Variants in TMCO6 observed in about 807,000 individuals in gnomAD.
TMCO6 encodes the protein transmembrane and coiled-coil domain-containing protein 6.
TMCO6 carries 47 observed loss-of-function variants against 61.8 expected under a neutral mutation model. The ratio of observed to expected loss-of-function variants is 0.76; its 90% confidence interval spans 0.60 to 0.97. TMCO6 has a LOEUF of 0.97. Ranked by LOEUF, TMCO6 falls within the 50% of genes least tolerant of loss-of-function variation. The probability of loss-of-function intolerance (pLI) is 0.00; values close to 1 mark genes in which losing one functional copy is unlikely to be tolerated. For synonymous variants in TMCO6, 261 were observed against 254.2 expected (o/e 1.03, Z -0.25); for missense variants, 557 against 601.6 (o/e 0.93, Z 0.78).
chr5:140,628,973 C>T, the TMCO6 span, among the ~76,000 whole-genome samples: 1 of 152,138 alleles, frequency 6.6e-6, no homozygotes, highest in Admixed American at 6.5e-5. Context: ...ACAATCCAAA[C>T]AGTTAAAACT....
Position 140,639,797 on chromosome 5 carries a change from C to G in TMCO6, c.144C>G (p.Asp48Glu). 1 of 1,609,884 alleles carries G rather than the reference C, an allele frequency of 6.2e-7. No homozygotes were observed. The highest frequency in any genetic ancestry group is 2.2e-5 in the East Asian group (1 of 44,728). The stretch of plus-strand genomic sequence containing the variant: ...TCAGCAAGAGGCTGCTGAGAAACGA[C>G]GCCCCAGAGGAAGCTGGAGAGGGAT... ...QLVSKRLLRN[D>E]APEEAGEGCV... The change falls in exon 2 of 12, where the codon GAC becomes GAG. Residue 48 changes from aspartate to glutamate, a missense_variant. By Grantham distance (45) the Asp-to-Glu change is conservative. Coordinates refer to ENST00000394671, the MANE Select transcript of TMCO6 (RefSeq NM_018502.5).
At chr5:140,612,848 C>T in the TMCO6 span, among the ~76,000 whole-genome samples, 2 of 152,220 alleles carry the variant, frequency 1.3e-5, no homozygotes, top group East Asian at 1.9e-4. Context: ...ATACTATTCA[C>T]TGTTTCCTCA....
At chr5:140,598,901 A>G in the TMCO6 span, among the ~76,000 whole-genome samples, 1 of 152,096 alleles carries the variant, frequency 6.6e-6, no homozygotes, top group African/African-American at 2.4e-5. Flanking sequence ...ACACCACTGC[A>G]CTCCAGCCTG....
the TMCO6 span, among the ~76,000 whole-genome samples, chr5:140,613,318 G>A: frequency 2.0e-5 from 3 of 149,030 alleles, no homozygotes; most frequent in African/African-American, 7.5e-5. Flanking sequence ...GAACCTGAGA[G>A]GCAGAGGTTG....
intron 11 of TMCO6, 59 bp from the exon 12 acceptor site, chr5:140,644,926 G>A: frequency 1.9e-6 from 3 of 1,573,498 alleles, no homozygotes; most frequent in Non-Finnish European, 2.6e-6. Flanking sequence ...ATGAGGCTGT[G>A]GGAATTGAGT....
At chr5:140,613,386 T>TAAAAAAAAAAA in the TMCO6 span, among the ~76,000 whole-genome samples, 32 of 87,444 alleles carry the variant, frequency 3.7e-4, 3 homozygotes, top group African/African-American at 1.6e-3. Flanking sequence ...AGACTCTGAC[T>TAAAAAAAAAAA]AAAAAAAAAA....
the TMCO6 span, among the ~76,000 whole-genome samples, chr5:140,621,119 C>G: frequency 0.015 from 2,292 of 152,286 alleles, 25 homozygotes; most frequent in Middle Eastern, 0.034. Context: ...CAGCATTTAA[C>G]CCACTATTGG....
chr5:140,604,286 CA>C, the TMCO6 span, among the ~76,000 whole-genome samples: 1 of 151,906 alleles, frequency 6.6e-6, no homozygotes, highest in African/African-American at 2.4e-5. Context: ...TAACAGCACT[CA>C]GGAGGCTGAG....
chr5:140,604,043 A>G, the TMCO6 span, among the ~76,000 whole-genome samples: 1 of 152,118 alleles, frequency 6.6e-6, no homozygotes, highest in South Asian at 2.1e-4. Flanking sequence ...CAGTATGGTG[A>G]GTGTGTAGTG....
At chr5:140,636,468 C>CA (rs762918105), upstream of TMCO6, among the ~76,000 whole-genome samples, 10,120 of 109,928 alleles carry the variant, frequency 0.092, 1,028 homozygotes, top group African/African-American at 0.27. Flanking sequence ...GACCCTGGCT[C>CA]AAAAAAAAAA....
the TMCO6 span, among the ~76,000 whole-genome samples, chr5:140,623,859 G>A: frequency 6.6e-6 from 1 of 152,174 alleles, no homozygotes; most frequent in African/African-American, 2.4e-5. Context: ...GGGATTATAG[G>A]CATGAGCCAC....
chr5:140,647,388 C>T, downstream of TMCO6: 2 of 1,611,136 alleles, frequency 1.2e-6, no homozygotes, highest in Non-Finnish European at 1.7e-6. Context: ...GAGCGCCGCG[C>T]GTGCTGTGGG....
At chr5:140,624,856 CTTT>C in the TMCO6 span, among the ~76,000 whole-genome samples, 1 of 31,702 alleles carries the variant, frequency 3.2e-5, no homozygotes, top group Non-Finnish European at 6.2e-5. Flanking sequence ...TTCTTTCTTT[CTTT>C]TTTTTTTTTT....
intron 2 of TMCO6, chr5:140,641,347 G>C (rs1581460778): frequency 3.5e-6 from 1 of 283,812 alleles, no homozygotes; most frequent in East Asian, 7.1e-5. Context: ...TAGAGGAGTA[G>C]GTTTTGCCAG....
chr5:140,638,891 A>G (rs1026109457), upstream of TMCO6: 1 of 152,372 alleles, frequency 6.6e-6, no homozygotes, highest in Non-Finnish European at 1.5e-5. Context: ...CTGAAGTCTC[A>G]TATCTCCCTA....
chr5:140,617,676 G>A, the TMCO6 span, among the ~76,000 whole-genome samples: 2 of 150,452 alleles, frequency 1.3e-5, no homozygotes, highest in Non-Finnish European at 2.9e-5. Context: ...GGAGGTTGCA[G>A]TGAGTGGAGA....
the TMCO6 span, among the ~76,000 whole-genome samples, chr5:140,614,609 C>A: frequency 6.6e-6 from 1 of 151,832 alleles, no homozygotes; most frequent in African/African-American, 2.4e-5. Flanking sequence ...TACTTTCTTT[C>A]TTTCATTCCT....
chr5:140,647,427 C>T, downstream of TMCO6: 1 of 1,609,460 alleles, frequency 6.2e-7, no homozygotes. Flanking sequence ...TCAGGGAGGT[C>T]GAGGTCGTGA....
In TMCO6 at chr5:140,639,738, G is replaced by T; in HGVS notation, c.86-1G>T. 5.7e-6 allele frequency: 9 copies of T among 1,590,700 alleles called. No individual in the cohort carries two copies. Among genetic ancestry groups the T allele is most frequent in the Non-Finnish European group, 7.7e-6 (9 of 1,169,688 alleles). On this transcript the variant is annotated splice_acceptor_variant, in intron 1 of 11. Coordinates refer to ENST00000394671, the MANE Select transcript of TMCO6 (RefSeq NM_018502.5). LOFTEE classifies it high-confidence loss of function. ...CGCTCAGCCGGCTCCTCTGCCCCCAGCACTGCGGAAGGCGCGGAGGGAGCA... is the reference window on the plus strand; with the variant it reads ...CGCTCAGCCGGCTCCTCTGCCCCCATCACTGCGGAAGGCGCGGAGGGAGCA...
Sources: gnomAD v4.1 joint callset for allele counts (sites outside exome capture counted in the v4.1 genomes callset) on GRCh38, gnomAD v4.1.1 for gene constraint, MANE v1.5 for transcripts, NCBI Gene and HGNC (gene_info 2026-07-23, HGNC 2026-07-21) for gene names.